IL31RA: variants seen among roughly 807,000 people sequenced by gnomAD.
IL31RA encodes interleukin-31 receptor subunit alpha.
IL31RA carries 66 observed loss-of-function variants against 83.7 expected under a neutral mutation model. The observed-to-expected ratio is 0.79, with a 90% CI of 0.65 to 0.97. The LOEUF (loss-of-function observed/expected upper bound fraction) is 0.97. Ranked by LOEUF, IL31RA falls within the 50% of genes least tolerant of loss-of-function variation. The pLI, the probability that IL31RA is intolerant of heterozygous loss-of-function variation, is 0.00. For missense variants in IL31RA, 798 were observed against 919.4 expected, an observed-to-expected ratio of 0.87 and a Z score of 1.71; for synonymous variants, 325 against 329.0, an observed-to-expected ratio of 0.99 and a Z score of 0.13.
rs941755852 is a variant in IL31RA, at chr5:55,853,937, C to T, written c.63+2304C>T. ...GAGAGTAAATCACTAATAGCTACCA[C>T]ATGATTTTAGTGGAAAGAGTCCAGG... On this transcript the variant is annotated intron_variant, in intron 1 of 14. Transcript: ENST00000652347. 2.6e-5 allele frequency among the ~76,000 whole-genome samples: 4 copies of T among 152,266 alleles called. No homozygotes were observed. In the South Asian group the frequency reaches 6.2e-4, roughly 24 times the overall value.
At chr5:55,850,660 G>A (rs1222637427), upstream of IL31RA, among the ~76,000 whole-genome samples, 1 of 152,106 alleles carries the variant, frequency 6.6e-6, no homozygotes, top group East Asian at 1.9e-4. Flanking sequence ...GGCTTTGTGG[G>A]GTTAGGATTA....
upstream of IL31RA, among the ~76,000 whole-genome samples, chr5:55,850,447 T>G (rs899587793): frequency 1.7e-4 from 26 of 152,218 alleles, no homozygotes; most frequent in African/African-American, 6.3e-4. Flanking sequence ...GCTCTCATAT[T>G]TTGAATCTCC....
Position 55,922,133 on chromosome 5 carries a change from C to T in IL31RA, c.*5013C>T, listed in dbSNP as rs540467071. On this transcript the variant is annotated 3_prime_UTR_variant, in exon 15 of 15. Coordinates refer to ENST00000652347, the MANE Select transcript of IL31RA (RefSeq NM_139017.7). The stretch of plus-strand genomic sequence containing the variant: ...CCTCATTTCCTTTGGACACTGGGGT[C>T]AGTGGGGAGAGAGTTTGCTCCGAAG... 1.3e-3 allele frequency among the ~76,000 whole-genome samples: 195 copies of T among 145,918 alleles called. No homozygotes were observed. Among genetic ancestry groups the T allele is most frequent in the African/African-American group, 4.7e-3 (186 of 39,262 alleles).
intron 5 of IL31RA, among the ~76,000 whole-genome samples, chr5:55,884,366 A>G (rs1271319061): frequency 2.6e-5 from 4 of 152,236 alleles, no homozygotes; most frequent in Non-Finnish European, 5.9e-5. Context: ...CAAAGTCAAG[A>G]AAATATTCTG....
chr5:55,908,228 G>A, intron 10 of IL31RA, 37 bp from the exon 11 acceptor site: 1 of 1,612,992 alleles, frequency 6.2e-7, no homozygotes, highest in Non-Finnish European at 8.5e-7. Flanking sequence ...CTGGAGTGCG[G>A]TTCAGTGATT....
At chr5:55,901,993 A>AG (rs1259632000) in intron 8 of IL31RA, among the ~76,000 whole-genome samples, 1 of 152,160 alleles carries the variant, frequency 6.6e-6, no homozygotes, top group Non-Finnish European at 1.5e-5. Context: ...ATATTATAAA[A>AG]TACACTTTAA....
chr5:55,852,924 T>G (rs1015139307), intron 1 of IL31RA, among the ~76,000 whole-genome samples: 3 of 152,224 alleles, frequency 2.0e-5, no homozygotes, highest in Admixed American at 1.3e-4. Flanking sequence ...TTAAAAGAGA[T>G]AATTAATGTG....
In IL31RA at chr5:55,913,565, A is replaced by G; in HGVS notation, c.1731A>G (p.Lys577=). Residue 577 remains lysine, a synonymous_variant, in exon 13 of 15, where the codon AAA becomes AAG. Coordinates refer to ENST00000652347, the MANE Select transcript of IL31RA (RefSeq NM_139017.7). ...IILTVAYGLK[K]PNKLTHLCWP... is the part of the protein sequence containing the mutation. ...TGACAGTGGCATATGGTCTCAAAAA[A>G]CCCAAGTGAGTCTGCAGACAACAGT... is the stretch of plus-strand genomic sequence containing the variant. 1 of 1,606,728 alleles carries G rather than the reference A, an allele frequency of 6.2e-7. No individual in the cohort carries two copies. Among genetic ancestry groups the G allele is most frequent in the Non-Finnish European group, 8.5e-7 (1 of 1,173,268 alleles).
intron 7 of IL31RA, among the ~76,000 whole-genome samples, 174 bp from the exon 8 acceptor site, chr5:55,899,742 G>A (rs1431160457): frequency 1.3e-5 from 2 of 152,204 alleles, no homozygotes; most frequent in African/African-American, 4.8e-5. Context: ...GGCACTTGAA[G>A]TGTTACTATC....
rs146206873 is a variant in IL31RA, at chr5:55,919,801, G to A, written c.*2681G>A. The stretch of plus-strand genomic sequence containing the variant: ...GGATGTGAGCCTCAGAGTTCAGGGC[G>A]CAGGTGACTTCCTCTCCTGGATCGA... On this transcript the variant is annotated 3_prime_UTR_variant, in exon 15 of 15. Coordinates refer to ENST00000652347, the MANE Select transcript of IL31RA (RefSeq NM_139017.7). 1.5e-3 allele frequency among the ~76,000 whole-genome samples: 223 copies of A among 152,294 alleles called. 1 individual carries two copies. In the Middle Eastern group the frequency reaches 0.017, roughly 12 times the overall value.
At position 55,918,629 on chromosome 5, in the gene IL31RA, G is replaced by A. The variant is rs1017591336; in HGVS notation, c.*1509G>A. Among the ~76,000 whole-genome samples, 3 of 152,108 alleles carry A rather than the reference G, an allele frequency of 2.0e-5. 1 individual carries two copies. Among genetic ancestry groups the A allele is most frequent in the South Asian group, 4.2e-4 (2 of 4,816 alleles). ...CATCCTCTGGGTCATGTATTTGTCC[G>A]GCCGTGTTTTTGTCTCTGGCCTCGT... On this transcript the variant is annotated 3_prime_UTR_variant, in exon 15 of 15. Transcript: ENST00000652347.
At chr5:55,869,472 T>A (rs890050123) in intron 3 of IL31RA, among the ~76,000 whole-genome samples, 1 of 152,066 alleles carries the variant, frequency 6.6e-6, no homozygotes, top group African/African-American at 2.4e-5. Context: ...TATTTGCAGG[T>A]TAAAAAAAAA....
At chr5:55,849,870 AC>A (rs1245360942), upstream of IL31RA, among the ~76,000 whole-genome samples, 1 of 152,066 alleles carries the variant, frequency 6.6e-6, no homozygotes, top group Non-Finnish European at 1.5e-5. Context: ...TTTTGTAGTC[AC>A]TTTTTTCAAT....
intron 6 of IL31RA, 61 bp downstream of exon 6, chr5:55,890,196 A>C: frequency 6.4e-7 from 1 of 1,561,398 alleles, no homozygotes; most frequent in Non-Finnish European, 8.8e-7. Flanking sequence ...TTTGGGCTAG[A>C]CTTGGTGGGG....
chr5:55,905,930 T>G (rs1749120665), intron 8 of IL31RA, among the ~76,000 whole-genome samples, 176 bp from the exon 9 acceptor site: 1 of 152,174 alleles, frequency 6.6e-6, no homozygotes, highest in African/African-American at 2.4e-5. Context: ...CAAGGTGTTG[T>G]GTAAGGAAAA....
intron 7 of IL31RA, among the ~76,000 whole-genome samples, chr5:55,898,960 G>A (rs967336118): frequency 6.6e-6 from 1 of 152,050 alleles, no homozygotes; most frequent in African/African-American, 2.4e-5. Context: ...AGAGGCGGAG[G>A]TTGCAGTGAG....
chr5:55,867,678 T>G (rs1234183849), intron 2 of IL31RA, among the ~76,000 whole-genome samples: 1 of 152,078 alleles, frequency 6.6e-6, no homozygotes, highest in Non-Finnish European at 1.5e-5. Flanking sequence ...TACGCGAGAC[T>G]GGGAAGAAAA....
chr5:55,916,562 C>T, intron 14 of IL31RA, 82 bp from the exon 15 acceptor site: 1 of 1,188,358 alleles, frequency 8.4e-7, no homozygotes. Context: ...TGGGCATTTG[C>T]TGTCCCAAGC....
At chr5:55,867,188 TTTG>T (rs869061810) in intron 2 of IL31RA, among the ~76,000 whole-genome samples, 2 of 56,376 alleles carry the variant, frequency 3.5e-5, no homozygotes, top group East Asian at 5.9e-4. Context: ...TGCATGTGTG[TTTG>T]TGTGTGTTTG....
Sources: gnomAD v4.1 joint callset for allele counts (sites outside exome capture counted in the v4.1 genomes callset) on GRCh38, gnomAD v4.1.1 for gene constraint, MANE v1.5 for transcripts, NCBI Gene and HGNC (gene_info 2026-07-23, HGNC 2026-07-21) for gene names.